SC5D: variants seen among roughly 807,000 people sequenced by gnomAD.
The protein encoded by SC5D is sterol-C5-desaturase.
Under a neutral mutation model 23.9 loss-of-function variants are expected in SC5D, and 21 were observed. That is an observed-to-expected ratio of 0.88 (90% CI 0.62 to 1.26). SC5D has a LOEUF of 1.26. SC5D is among the 50% of genes most tolerant of loss of function. SC5D has a pLI of 0.00. For synonymous variants in SC5D, 113 were observed against 125.9 expected (o/e 0.90, Z 0.68); for missense variants, 309 against 364.8 (o/e 0.85, Z 1.25).
At chr11:121,302,071 A>AT (rs1947929918) in intron 1 of SC5D, among the ~76,000 whole-genome samples, 1 of 152,170 alleles carries the variant, frequency 6.6e-6, no homozygotes, top group African/African-American at 2.4e-5. Context: ...TCAGTTTCTC[A>AT]TTTTCTTAAA....
chr11:121,294,269 A>G (rs1474461819), intron 1 of SC5D, among the ~76,000 whole-genome samples: 1 of 152,174 alleles, frequency 6.6e-6, no homozygotes, highest in African/African-American at 2.4e-5. Flanking sequence ...AACCCCTTAA[A>G]ATTATATGAG....
rs1215879286 is a variant in SC5D, at chr11:121,311,775, TC to T, written c.*4264del. ...ATAAGATTAAATAAGTTAGAAGCAT[TC>T]AGTTAAATGTCAACTGAAACTATTG... On this transcript the variant is annotated 3_prime_UTR_variant, in exon 5 of 5. Coordinates refer to ENST00000264027, the MANE Select transcript of SC5D (RefSeq NM_006918.5). Among the ~76,000 whole-genome samples the T allele has an allele frequency of 6.6e-6, 1 of 152,230 alleles. No homozygotes were observed. The highest frequency in any genetic ancestry group is 2.4e-5 in the African/African-American group (1 of 41,472).
chr11:121,298,242 G>A (rs1013962783), intron 1 of SC5D, among the ~76,000 whole-genome samples: 6 of 152,148 alleles, frequency 3.9e-5, no homozygotes, highest in African/African-American at 1.4e-4. Context: ...CAAGGAATAA[G>A]CCTGCCTCCC....
At chr11:121,305,764 A>T (rs961062076) in intron 3 of SC5D, 2 of 152,438 alleles carry the variant, frequency 1.3e-5, no homozygotes, top group Non-Finnish European at 2.9e-5. Flanking sequence ...ACAAAAAATT[A>T]TATACTAGAG....
chr11:121,295,555 GA>G (rs1342163680), intron 1 of SC5D, among the ~76,000 whole-genome samples: 1 of 152,144 alleles, frequency 6.6e-6, no homozygotes, highest in East Asian at 1.9e-4. Flanking sequence ...ATCCACAAAG[GA>G]ATTTTCTGAG....
intron 4 of SC5D, 29 bp downstream of exon 4, chr11:121,306,515 A>G: frequency 9.3e-7 from 1 of 1,070,264 alleles, no homozygotes; most frequent in Non-Finnish European, 1.5e-6. Flanking sequence ...AAAAGAGAAA[A>G]AAGGTTACAC....
chr11:121,306,206 A>G, intron 3 of SC5D, 180 bp from the exon 4 acceptor site: 1 of 596,140 alleles, frequency 1.7e-6, no homozygotes, highest in Non-Finnish European at 3.0e-6. Flanking sequence ...GAAATGAGGA[A>G]ATGACCAGAT....
chr11:121,296,602 A>G (rs1257339592), intron 1 of SC5D, among the ~76,000 whole-genome samples: 2 of 152,344 alleles, frequency 1.3e-5, no homozygotes, highest in East Asian at 1.9e-4. Flanking sequence ...TTGCATATAT[A>G]TCTGTATTGC....
chr11:121,298,983 C>T (rs569036029), intron 1 of SC5D, among the ~76,000 whole-genome samples: 64 of 152,252 alleles, frequency 4.2e-4, no homozygotes, highest in South Asian at 3.3e-3. Flanking sequence ...AGGCAGGAAC[C>T]GGCCATTTTC....
chr11:121,301,144 A>G (rs1947923451), intron 1 of SC5D, among the ~76,000 whole-genome samples: 1 of 152,068 alleles, frequency 6.6e-6, no homozygotes, highest in Admixed American at 6.6e-5. Context: ...GTCAGTAGAA[A>G]CTCTCTCTCA....
At position 121,303,540 on chromosome 11, in the gene SC5D, T is replaced by C. The variant is rs1947940942; in HGVS notation, c.165T>C (p.Tyr55=). The change falls in exon 2 of 5, where the codon TAT becomes TAC. Residue 55 remains tyrosine (Y), a synonymous_variant. Coordinates refer to ENST00000264027, the MANE Select transcript of SC5D (RefSeq NM_006918.5). ...TCTTCTGTGCAACACTGAGCTATTATTTTGTCTTCGATCATGCATTAATGA... is the reference window on the plus strand; with the variant it reads ...TCTTCTGTGCAACACTGAGCTATTACTTTGTCTTCGATCATGCATTAATGA... ...LYFFCATLSY[Y]FVFDHALMKH... 6.2e-7 allele frequency: 1 copy of C among 1,613,888 alleles called. No individual in the cohort carries two copies. Among genetic ancestry groups the C allele is most frequent in the Admixed American group, 1.7e-5 (1 of 60,002 alleles).
Position 121,307,151 on chromosome 11 carries a change from A to G in SC5D, c.539A>G (p.Tyr180Cys). Residue 180 changes from tyrosine to cysteine, a missense_variant, in exon 5 of 5, where the codon TAC becomes TGC. Physicochemically the swap from Tyr to Cys is radical, Grantham distance 194. Coordinates refer to ENST00000264027, the MANE Select transcript of SC5D (RefSeq NM_006918.5). ...GATGGCTTTCTTCAGAGTCTACCTT[A>G]CCATATATACCCTTTTATCTTTCCA... is the stretch of plus-strand genomic sequence containing the variant. ...PIDGFLQSLPYHIYPFIFPLH... is the reference protein window; with the variant it reads ...PIDGFLQSLPCHIYPFIFPLH... 1 of 1,614,062 alleles carries G rather than the reference A, an allele frequency of 6.2e-7. No individual in the cohort carries two copies. The highest frequency in any genetic ancestry group is 8.5e-7 in the Non-Finnish European group (1 of 1,179,956).
At chr11:121,303,261 A>G in intron 1 of SC5D, 105 bp from the exon 2 acceptor site, 2 of 825,478 alleles carry the variant, frequency 2.4e-6, no homozygotes, top group Admixed American at 1.8e-5. Context: ...TGTACTGCAT[A>G]TGACTGTTCT....
intron 4 of SC5D, 78 bp from the exon 5 acceptor site, chr11:121,306,979 A>G: frequency 8.3e-7 from 1 of 1,211,904 alleles, no homozygotes; most frequent in Non-Finnish European, 1.2e-6. Flanking sequence ...GGTTGTTTCC[A>G]ACATGAGTGT....
intron 2 of SC5D, 191 bp downstream of exon 2, chr11:121,303,776 C>T: frequency 1.8e-6 from 1 of 570,352 alleles, no homozygotes. Context: ...GCAAATCTAA[C>T]TTTTTAATAA....
chr11:121,294,053 A>G (rs1947872211), intron 1 of SC5D, among the ~76,000 whole-genome samples: 1 of 152,240 alleles, frequency 6.6e-6, no homozygotes, highest in Admixed American at 6.5e-5. Flanking sequence ...CCTGGTTCTC[A>G]ATAAATATTA....
chr11:121,299,885 C>T (rs561991669), intron 1 of SC5D, among the ~76,000 whole-genome samples: 2 of 152,198 alleles, frequency 1.3e-5, no homozygotes, highest in South Asian at 4.1e-4. Flanking sequence ...CAGAGCAAGA[C>T]CTTGTCTCTA....
intron 1 of SC5D, among the ~76,000 whole-genome samples, chr11:121,293,349 TGGGA>T (rs1947865568): frequency 6.6e-6 from 1 of 152,238 alleles, no homozygotes. Flanking sequence ...CCCTTCGTTC[TGGGA>T]GGGTTTTTTT....
At chr11:121,303,869 A>G (rs949451221) in intron 2 of SC5D, 6 of 309,008 alleles carry the variant, frequency 1.9e-5, no homozygotes, top group African/African-American at 1.1e-4. Context: ...AAATGCATAC[A>G]TTTATGTAAT....
Sources: allele counts gnomAD v4.1 joint callset (sites outside exome capture counted in the v4.1 genomes callset), GRCh38; gene constraint gnomAD v4.1.1; transcripts MANE v1.5; gene names NCBI Gene and HGNC (gene_info 2026-07-23, HGNC 2026-07-21).